The following ECHDC1 variants were observed in gnomAD, a reference collection of about 807,000 sequenced individuals.
ECHDC1 encodes the protein ethylmalonyl-CoA decarboxylase 1.
ECHDC1 carries 29 observed loss-of-function variants against 29.7 expected under a neutral mutation model. The ratio of observed to expected loss-of-function variants is 0.98; its 90% confidence interval spans 0.73 to 1.33. The LOEUF is 1.33. Among genes scored for constraint, ECHDC1 ranks in the 40% most tolerant of loss-of-function variants. The pLI is 0.00. For synonymous variants in ECHDC1, 126 were observed against 123.1 expected (o/e 1.02, Z -0.15); for missense variants, 328 against 350.0 (o/e 0.94, Z 0.50).
intron 4 of ECHDC1, 109 bp from the exon 5 acceptor site, chr6:127,315,005 T>G (rs983005936): frequency 3.1e-6 from 3 of 969,796 alleles, no homozygotes; most frequent in Non-Finnish European, 4.9e-6. Flanking sequence ...ATTATTGCAC[T>G]GTCTTCATAA....
intron 3 of ECHDC1, among the ~76,000 whole-genome samples, chr6:127,317,457 T>G (rs1284496519): frequency 6.6e-6 from 1 of 152,148 alleles, no homozygotes; most frequent in Non-Finnish European, 1.5e-5. Flanking sequence ...AGAACTGACT[T>G]TGAATCCTAG....
At chr6:127,336,748 G>A (rs1257177229) in intron 1 of ECHDC1, among the ~76,000 whole-genome samples, 4 of 152,076 alleles carry the variant, frequency 2.6e-5, no homozygotes, top group African/African-American at 4.8e-5. Flanking sequence ...AAATGGAAGC[G>A]GGGAAAAGTT....
At chr6:127,308,003 A>T (rs975481861) in intron 5 of ECHDC1, among the ~76,000 whole-genome samples, 2 of 152,252 alleles carry the variant, frequency 1.3e-5, no homozygotes, top group South Asian at 4.2e-4. Flanking sequence ...TGTAATAAAA[A>T]GTCTCCCAGT....
Position 127,316,385 on chromosome 6 carries a change from A to T in ECHDC1, c.416+65T>A, listed in dbSNP as rs909779671. ...TATTATTTCTTAACTAGTACAAATA[A>T]TGGAATAGCAAAAAGCTATTTTTGG... On this transcript the variant is annotated intron_variant, in intron 4 of 5. Coordinates refer to ENST00000454859, the MANE Select transcript of ECHDC1 (RefSeq NM_001002030.2). 1.1e-5 allele frequency: 14 copies of T among 1,332,778 alleles called. No homozygotes were observed. In the Admixed American group the frequency reaches 2.5e-4, roughly 24 times the overall value. The allele number at this position is 1,332,778 out of a possible 1,614,324, so 82.6% of individuals were successfully genotyped here.
intron 5 of ECHDC1, among the ~76,000 whole-genome samples, chr6:127,303,540 A>C (rs1332447473): frequency 6.6e-6 from 1 of 152,184 alleles, no homozygotes; most frequent in Non-Finnish European, 1.5e-5. Context: ...AAAGGCTGAG[A>C]GTGGTAAGGA....
intron 5 of ECHDC1, among the ~76,000 whole-genome samples, chr6:127,312,514 A>T (rs2114611071): frequency 6.6e-6 from 1 of 152,294 alleles, no homozygotes; most frequent in South Asian, 2.1e-4. Flanking sequence ...AAATTTAAGA[A>T]ACCAATATAT....
At chr6:127,323,510 A>G (rs1270002191) in intron 3 of ECHDC1, among the ~76,000 whole-genome samples, 1 of 152,164 alleles carries the variant, frequency 6.6e-6, no homozygotes, top group Non-Finnish European at 1.5e-5. Flanking sequence ...CACTTTATAT[A>G]TATTATCTTG....
intron 3 of ECHDC1, among the ~76,000 whole-genome samples, chr6:127,320,379 A>G (rs1346395756): frequency 3.3e-5 from 5 of 152,204 alleles, no homozygotes; most frequent in African/African-American, 1.2e-4. Flanking sequence ...GAAGTCAGAC[A>G]AGAACTTTGA....
chr6:127,308,765 C>T (rs370111297), intron 5 of ECHDC1, among the ~76,000 whole-genome samples: 23 of 151,990 alleles, frequency 1.5e-4, no homozygotes, highest in Admixed American at 7.9e-4. Flanking sequence ...CCTAAAGTTG[C>T]AAAATAAAAA....
At chr6:127,324,981 A>C (rs1469205419) in intron 3 of ECHDC1, among the ~76,000 whole-genome samples, 2 of 152,146 alleles carry the variant, frequency 1.3e-5, no homozygotes, top group Non-Finnish European at 2.9e-5. Flanking sequence ...TGTAGACTAA[A>C]CTTAGTAACT....
intron 5 of ECHDC1, among the ~76,000 whole-genome samples, chr6:127,314,238 T>A (rs1224792312): frequency 1.3e-5 from 2 of 152,182 alleles, no homozygotes; most frequent in Non-Finnish European, 2.9e-5. Context: ...AGCATTAGAT[T>A]TTATAAAATG....
intron 3 of ECHDC1, among the ~76,000 whole-genome samples, chr6:127,318,886 CACGA>C (rs1195517499): frequency 1.3e-5 from 2 of 152,200 alleles, no homozygotes; most frequent in African/African-American, 4.8e-5. Flanking sequence ...CAGTGTATCT[CACGA>C]AGTGATGAGA....
chr6:127,341,725 T>C (rs1485076286), intron 1 of ECHDC1: 1 of 152,222 alleles, frequency 6.6e-6, no homozygotes, highest in East Asian at 1.9e-4. Flanking sequence ...TGTTTCCCTT[T>C]AGTGCACAGG....
At chr6:127,290,371 T>C in intron 5 of ECHDC1, 94 bp from the exon 6 acceptor site, 1 of 1,239,756 alleles carries the variant, frequency 8.1e-7, no homozygotes, top group South Asian at 1.6e-5. Context: ...GAATTCTCCA[T>C]AGATCTTTAT....
chr6:127,310,233 AAG>A (rs1781794048), intron 5 of ECHDC1, among the ~76,000 whole-genome samples: 1 of 152,152 alleles, frequency 6.6e-6, no homozygotes, highest in Non-Finnish European at 1.5e-5. Context: ...AAACAACTAA[AAG>A]AGTATAATTG....
chr6:127,292,683 TAAG>T (rs550727948), intron 5 of ECHDC1, among the ~76,000 whole-genome samples: 11 of 151,976 alleles, frequency 7.2e-5, no homozygotes, highest in Non-Finnish European at 1.6e-4. Flanking sequence ...AAACCTAATT[TAAG>T]AAGGACATTA....
chr6:127,329,721 A>T (rs917302726), intron 2 of ECHDC1: 54 of 271,892 alleles, frequency 2.0e-4, no homozygotes, highest in Admixed American at 4.0e-4. Flanking sequence ...AATATTTTGG[A>T]TATACTGAGT....
intron 3 of ECHDC1, 151 bp downstream of exon 3, chr6:127,326,851 T>A (rs1371618438): frequency 1.3e-6 from 1 of 791,922 alleles, no homozygotes; most frequent in Non-Finnish European, 1.9e-6. Context: ...GTTCCTCCTA[T>A]AATCCTACCA....
intron 5 of ECHDC1, among the ~76,000 whole-genome samples, chr6:127,311,125 G>A (rs997293267): frequency 6.6e-6 from 1 of 152,130 alleles, no homozygotes; most frequent in Non-Finnish European, 1.5e-5. Flanking sequence ...CTTTAGAGGG[G>A]TGGTCTGGAG....
Sources: gnomAD v4.1 joint callset for allele counts (sites outside exome capture counted in the v4.1 genomes callset) on GRCh38, gnomAD v4.1.1 for gene constraint, MANE v1.5 for transcripts, NCBI Gene and HGNC (gene_info 2026-07-23, HGNC 2026-07-21) for gene names.